Variants in CLMP observed in about 807,000 individuals in gnomAD.
CLMP encodes the protein CXADR like cell adhesion molecule.
Under a neutral mutation model 45.2 loss-of-function variants are expected in CLMP, and 27 were observed. That is an observed-to-expected ratio of 0.60 (90% confidence interval 0.44 to 0.82). The LOEUF (loss-of-function observed/expected upper bound fraction) is 0.82. Ranked by LOEUF, CLMP falls within the 40% of genes least tolerant of loss-of-function variation. The probability of loss-of-function intolerance (pLI) is 0.00; values close to 1 mark genes in which losing one functional copy is unlikely to be tolerated. For synonymous variants in CLMP, 167 were observed against 171.4 expected (o/e 0.97, Z 0.20); for missense variants, 403 against 448.4 (o/e 0.90, Z 0.91).
intron 1 of CLMP, among the ~76,000 whole-genome samples, chr11:123,174,432 T>C (rs1861673574): frequency 6.6e-6 from 1 of 152,240 alleles, no homozygotes; most frequent in Admixed American, 6.5e-5. Flanking sequence ...CATCCTATCC[T>C]GAATCCAGCT....
At chr11:123,154,231 TC>T (rs569563585) in intron 1 of CLMP, among the ~76,000 whole-genome samples, 79 of 152,238 alleles carry the variant, frequency 5.2e-4, no homozygotes, top group African/African-American at 1.9e-3. Context: ...AAGGATGACT[TC>T]CTTGCACCCT....
intron 1 of CLMP, among the ~76,000 whole-genome samples, chr11:123,143,812 A>ATT (rs60758870): frequency 0.02 from 2,884 of 146,068 alleles, 92 homozygotes; most frequent in African/African-American, 0.064. Flanking sequence ...GTCTTGTGAG[A>ATT]TTTTTTTTTT....
intron 1 of CLMP, among the ~76,000 whole-genome samples, chr11:123,186,270 G>C (rs1861833349): frequency 6.6e-6 from 1 of 152,184 alleles, no homozygotes; most frequent in African/African-American, 2.4e-5. Flanking sequence ...CTAGTCCATA[G>C]TACTTGCTCA....
intron 1 of CLMP, among the ~76,000 whole-genome samples, chr11:123,162,631 C>T (rs1861501093): frequency 6.6e-6 from 1 of 151,838 alleles, no homozygotes; most frequent in African/African-American, 2.4e-5. Context: ...TGTGATGGCT[C>T]ACACCTGTAA....
intron 1 of CLMP, among the ~76,000 whole-genome samples, chr11:123,114,634 T>A (rs1860695150): frequency 6.6e-6 from 1 of 152,032 alleles, no homozygotes; most frequent in Non-Finnish European, 1.5e-5. Context: ...GAAAATCATG[T>A]CCTACATGAT....
At chr11:123,108,615 G>A (rs1337424102) in intron 1 of CLMP, among the ~76,000 whole-genome samples, 1 of 152,004 alleles carries the variant, frequency 6.6e-6, no homozygotes, top group Non-Finnish European at 1.5e-5. Context: ...GAAGGTGAGG[G>A]AAAGGAAAGG....
chr11:123,120,419 T>G lies in CLMP; in HGVS notation c.29-22467A>C, dbSNP rs143950512. On this transcript the variant is annotated intron_variant, in intron 1 of 6. Coordinates refer to ENST00000448775, the MANE Select transcript of CLMP (RefSeq NM_024769.5). ...GTTTGGTTGAGTTGTTCCAAGAGTT[T>G]GTCAAGAGATCTCTTGGATGGCATT... Among the ~76,000 whole-genome samples, 205 of 152,262 alleles carry G rather than the reference T, an allele frequency of 1.3e-3. 1 individual carries two copies. Among genetic ancestry groups the G allele is most frequent in the Non-Finnish European group, 2.1e-3 (144 of 68,016 alleles).
chr11:123,099,803 A>G (rs1866034141), intron 1 of CLMP, among the ~76,000 whole-genome samples: 1 of 152,192 alleles, frequency 6.6e-6, no homozygotes, highest in African/African-American at 2.4e-5. Flanking sequence ...TGATGGGATA[A>G]AAGTCCTTTC....
intron 1 of CLMP, among the ~76,000 whole-genome samples, chr11:123,114,441 T>TCCCC (rs1565386384): frequency 2.1e-5 from 1 of 48,126 alleles, no homozygotes; most frequent in South Asian, 7.6e-4. Flanking sequence ...CCTCCCTCCC[T>TCCCC]CCCTCCCTCT....
At position 123,091,045 on chromosome 11, in the gene CLMP, T is replaced by C. The variant is rs191500452; in HGVS notation, c.187-6332A>G. On this transcript the variant is annotated intron_variant, in intron 2 of 6. Transcript: ENST00000448775. Reference sequence around the variant, plus strand: ...GGTCCCAGTATCTTCAAGGCCTATCTACTGTGGTACTGGAGTGATTCTTTT... The same window carrying C: ...GGTCCCAGTATCTTCAAGGCCTATCCACTGTGGTACTGGAGTGATTCTTTT... Among the ~76,000 whole-genome samples the C allele has an allele frequency of 2.4e-3, 371 of 152,314 alleles. 1 individual carries two copies. The highest frequency in any genetic ancestry group is 3.0e-3 in the Non-Finnish European group (206 of 68,028).
At chr11:123,184,548 G>A (rs561538241) in intron 1 of CLMP, among the ~76,000 whole-genome samples, 2 of 152,340 alleles carry the variant, frequency 1.3e-5, no homozygotes, top group South Asian at 2.1e-4. Context: ...AGGAGAGGAA[G>A]AGGGCCTTAA....
chr11:123,167,099 C>G (rs1240580968), intron 1 of CLMP, among the ~76,000 whole-genome samples: 1 of 152,140 alleles, frequency 6.6e-6, no homozygotes, highest in Non-Finnish European at 1.5e-5. Context: ...GTGCTTGGCA[C>G]ATAGTAGGTA....
intron 2 of CLMP, among the ~76,000 whole-genome samples, chr11:123,085,243 T>TTTTA (rs1187532421): frequency 5.9e-4 from 90 of 151,310 alleles, no homozygotes; most frequent in Admixed American, 8.6e-4. Flanking sequence ...GTTTCCTTGG[T>TTTTA]TTTATTTATT....
chr11:123,173,482 A>C (rs887046009), intron 1 of CLMP, among the ~76,000 whole-genome samples: 2 of 152,218 alleles, frequency 1.3e-5, no homozygotes, highest in African/African-American at 4.8e-5. Context: ...TAATAACCAC[A>C]AGGGAATGAC....
intron 1 of CLMP, among the ~76,000 whole-genome samples, chr11:123,148,485 C>T (rs1158589530): frequency 6.6e-6 from 1 of 152,218 alleles, no homozygotes; most frequent in Non-Finnish European, 1.5e-5. Flanking sequence ...CCTAAATTTA[C>T]ATGTCCACAA....
chr11:123,127,538 C>T (rs190232155), intron 1 of CLMP, among the ~76,000 whole-genome samples: 4 of 152,156 alleles, frequency 2.6e-5, no homozygotes, highest in East Asian at 1.9e-4. Flanking sequence ...CTAAATCCTT[C>T]GGAGAGGAGA....
At chr11:123,142,351 T>A (rs1245577826) in intron 1 of CLMP, among the ~76,000 whole-genome samples, 2 of 152,058 alleles carry the variant, frequency 1.3e-5, no homozygotes, top group African/African-American at 2.4e-5. Context: ...AACAGAGGCA[T>A]TAGGAGATCC....
At chr11:123,076,089 C>T (rs1026149397) in intron 5 of CLMP, among the ~76,000 whole-genome samples, 1 of 152,078 alleles carries the variant, frequency 6.6e-6, no homozygotes, top group Non-Finnish European at 1.5e-5. Flanking sequence ...AGGAGAATCA[C>T]TTGAACCTGG....
At chr11:123,104,450 T>C (rs1328017680) in intron 1 of CLMP, among the ~76,000 whole-genome samples, 1 of 151,048 alleles carries the variant, frequency 6.6e-6, no homozygotes, top group African/African-American at 2.4e-5. Flanking sequence ...AATGGCGTCA[T>C]CTCAGCTCGC....
Sources: allele counts gnomAD v4.1 joint callset (sites outside exome capture counted in the v4.1 genomes callset), GRCh38; gene constraint gnomAD v4.1.1; transcripts MANE v1.5; gene names NCBI Gene and HGNC (gene_info 2026-07-23, HGNC 2026-07-21).